Variants in PDE1C observed in about 807,000 individuals in gnomAD.
The protein encoded by PDE1C is phosphodiesterase 1C, also known as dual specificity calcium/calmodulin-dependent 3',5'-cyclic nucleotide phosphodiesterase 1C.
In PDE1C, 62 loss-of-function variants were observed where a neutral mutation model predicts 93.1. That is an observed-to-expected ratio of 0.67 (90% CI 0.54 to 0.82). PDE1C has a LOEUF of 0.82. PDE1C is among the 40% of genes least tolerant of loss of function. PDE1C has a pLI of 0.00. For synonymous variants in PDE1C, 325 were observed against 310.1 expected, an observed-to-expected ratio of 1.05 and a Z score of -0.50; for missense variants, 742 against 884.6, an observed-to-expected ratio of 0.84 and a Z score of 2.04.
the PDE1C span, among the ~76,000 whole-genome samples, chr7:31,730,933 AT>A: frequency 6.6e-6 from 1 of 152,078 alleles, no homozygotes; most frequent in African/African-American, 2.4e-5. Flanking sequence ...TGGACCTAAA[AT>A]ATCCCAATAA....
At chr7:32,022,144 G>A (rs1788769446) in intron 2 of PDE1C, among the ~76,000 whole-genome samples, 1 of 151,756 alleles carries the variant, frequency 6.6e-6, no homozygotes, top group African/African-American at 2.4e-5. Context: ...AGAAAAAAAT[G>A]AACAGAGGGA....
chr7:32,256,264 C>T (rs922586216), intron 1 of PDE1C, among the ~76,000 whole-genome samples: 2 of 152,186 alleles, frequency 1.3e-5, no homozygotes, highest in African/African-American at 4.8e-5. Flanking sequence ...ATGACATTAA[C>T]AGCTTGTTTG....
chr7:31,964,721 T>G (rs1363984804), intron 2 of PDE1C, among the ~76,000 whole-genome samples: 2 of 152,186 alleles, frequency 1.3e-5, no homozygotes, highest in Admixed American at 6.5e-5. Context: ...AGGGGTGGAC[T>G]GACACCTCAA....
the PDE1C span, among the ~76,000 whole-genome samples, chr7:31,722,691 G>A: frequency 9.2e-5 from 14 of 152,292 alleles, no homozygotes; most frequent in Admixed American, 5.9e-4. Flanking sequence ...AGCTGTTTCA[G>A]GTGGTGGGAA....
chr7:31,893,673 A>C (rs1798917250), intron 2 of PDE1C, among the ~76,000 whole-genome samples: 1 of 152,168 alleles, frequency 6.6e-6, no homozygotes, highest in Non-Finnish European at 1.5e-5. Context: ...TAGAAAAAAA[A>C]ATCCTCCTCT....
the PDE1C span, among the ~76,000 whole-genome samples, chr7:31,630,237 T>C: frequency 4.9e-5 from 3 of 61,754 alleles, no homozygotes; most frequent in African/African-American, 2.0e-4. Flanking sequence ...AAATAGAGTC[T>C]ACTTGGCAAA....
At chr7:31,765,170 A>G (rs1167939811) in intron 17 of PDE1C, among the ~76,000 whole-genome samples, 1 of 152,136 alleles carries the variant, frequency 6.6e-6, no homozygotes, top group Non-Finnish European at 1.5e-5. Context: ...AATAGGTGAA[A>G]GGGGAGGAGC....
At chr7:32,421,601 G>T (rs1444200087) in intron 1 of PDE1C, among the ~76,000 whole-genome samples, 1 of 152,190 alleles carries the variant, frequency 6.6e-6, no homozygotes, top group African/African-American at 2.4e-5. Flanking sequence ...AGATTCCAGA[G>T]CCTCCTTCTC....
At chr7:31,942,291 C>T (rs1805963660) in intron 2 of PDE1C, among the ~76,000 whole-genome samples, 1 of 152,108 alleles carries the variant, frequency 6.6e-6, no homozygotes, top group Non-Finnish European at 1.5e-5. Flanking sequence ...TTCTAAAGCT[C>T]TCCAGGAAAA....
the PDE1C span, chr7:31,642,369 G>T: frequency 1.3e-6 from 1 of 762,550 alleles, no homozygotes. Flanking sequence ...AAAGAGGGGT[G>T]TTTTAAATCA....
chr7:32,359,248 C>T (rs1784087930), intron 1 of PDE1C, among the ~76,000 whole-genome samples: 1 of 152,144 alleles, frequency 6.6e-6, no homozygotes, highest in Non-Finnish European at 1.5e-5. Flanking sequence ...TTATAAATCC[C>T]CGTTTTTCCA....
chr7:31,682,768 C>T, the PDE1C span, among the ~76,000 whole-genome samples: 4 of 152,108 alleles, frequency 2.6e-5, no homozygotes, highest in Admixed American at 2.6e-4. Flanking sequence ...GCGGTACATC[C>T]ATAACATGGA....
chr7:31,695,829 ATT>A, the PDE1C span: 1 of 394,990 alleles, frequency 2.5e-6, no homozygotes. Flanking sequence ...ATAAAAGTTT[ATT>A]TTTTTTACCT....
chr7:31,916,406 G>A (rs1368151621), intron 2 of PDE1C, among the ~76,000 whole-genome samples: 1 of 152,122 alleles, frequency 6.6e-6, no homozygotes, highest in East Asian at 1.9e-4. Context: ...GCTGTAGAAA[G>A]TAAGACCACA....
chr7:32,404,603 C>T (rs1159809564), intron 1 of PDE1C, among the ~76,000 whole-genome samples: 1 of 152,128 alleles, frequency 6.6e-6, no homozygotes, highest in African/African-American at 2.4e-5. Context: ...TCAAGCAATC[C>T]TCCTGCCTCA....
At chr7:32,062,008 T>C (rs1164288572) in intron 1 of PDE1C, among the ~76,000 whole-genome samples, 1 of 152,130 alleles carries the variant, frequency 6.6e-6, no homozygotes, top group Non-Finnish European at 1.5e-5. Flanking sequence ...TCCAGACCTG[T>C]TTAATCTCCA....
chr7:32,257,649 T>A (rs1809903016), intron 1 of PDE1C, among the ~76,000 whole-genome samples: 1 of 152,238 alleles, frequency 6.6e-6, no homozygotes, highest in Admixed American at 6.5e-5. Flanking sequence ...CTACTACTAC[T>A]ATAATTATTA....
chr7:31,923,553 C>G (rs1437741298), intron 2 of PDE1C, among the ~76,000 whole-genome samples: 1 of 152,124 alleles, frequency 6.6e-6, no homozygotes, highest in Non-Finnish European at 1.5e-5. Flanking sequence ...TAGTATTATA[C>G]AAAGTTAAAA....
intron 1 of PDE1C, among the ~76,000 whole-genome samples, chr7:32,364,140 T>G (rs1215997339): frequency 6.6e-6 from 1 of 152,190 alleles, no homozygotes; most frequent in Non-Finnish European, 1.5e-5. Flanking sequence ...CCTGGATGCA[T>G]CTATTTGAGC....
Sources: allele counts gnomAD v4.1 joint callset (sites outside exome capture counted in the v4.1 genomes callset), GRCh38; gene constraint gnomAD v4.1.1; transcripts MANE v1.5; gene names NCBI Gene and HGNC (gene_info 2026-07-23, HGNC 2026-07-21).